TNKS: variants seen among roughly 807,000 people sequenced by gnomAD.
TNKS encodes tankyrase, also known as poly [ADP-ribose] polymerase tankyrase-1.
In TNKS, 72 loss-of-function variants were observed where a neutral mutation model predicts 135.8. The observed-to-expected ratio is 0.53, with a 90% CI of 0.44 to 0.64. The LOEUF (loss-of-function observed/expected upper bound fraction) is 0.64, where lower values mean the gene tolerates loss of function less well. Among genes scored for constraint, TNKS ranks in the 30% least tolerant of loss-of-function variants. The pLI is 0.00. For synonymous variants in TNKS, 849 were observed against 649.3 expected (o/e 1.31, Z -4.68); for missense variants, 1,769 against 1,674.0 (o/e 1.06, Z -0.99).
chr8:9,670,050 A>G (rs1227386414), intron 3 of TNKS: 1 of 152,200 alleles, frequency 6.6e-6, no homozygotes, highest in East Asian at 1.9e-4. Context: ...TTATAAAGTT[A>G]ATACTATGGG....
At chr8:9,665,741 C>G (rs79312885) in intron 3 of TNKS, among the ~76,000 whole-genome samples, 1,720 of 152,228 alleles carry the variant, frequency 0.011, 30 homozygotes, top group African/African-American at 0.038. Flanking sequence ...GAGCATGGTG[C>G]AAGGATTCTT....
At position 9,708,538 on chromosome 8, in the gene TNKS, G is replaced by A. The variant is rs562619756; in HGVS notation, c.1578+46G>A. On this transcript the variant is annotated intron_variant, in intron 9 of 26. Coordinates refer to ENST00000310430, the MANE Select transcript of TNKS (RefSeq NM_003747.3). Reference sequence around the variant, plus strand: ...TATTCCCTGTGTCTATAATAATAACGTAAGCACAAAATATGATTTTCATTT... The same window carrying A: ...TATTCCCTGTGTCTATAATAATAACATAAGCACAAAATATGATTTTCATTT... 3.7e-5 allele frequency: 53 copies of A among 1,419,574 alleles called. No individual in the cohort carries two copies. In the South Asian group the frequency reaches 4.2e-4, roughly 11 times the overall value. 87.9% of individuals were successfully genotyped at this position (1,419,574 alleles called of 1,614,324 possible). A position where few individuals can be genotyped will look rare whatever the true frequency, so the allele number is the denominator to read the frequency against.
Position 9,734,925 on chromosome 8 carries a change from G to A in TNKS, c.2374G>A (p.Glu792Lys). 4 of 1,614,134 alleles carry A rather than the reference G, an allele frequency of 2.5e-6. No homozygotes were observed. The highest frequency in any genetic ancestry group is 3.4e-6 in the Non-Finnish European group (4 of 1,180,028). ...AAATACACCTTTGGATTTGGTAAAG[G>A]AAGGAGACACAGATATTCAGGACTT... is the stretch of plus-strand genomic sequence containing the variant. ...DGNTPLDLVK[E>K]GDTDIQDLLR... Residue 792 changes from glutamate to lysine, a missense_variant, in exon 16 of 27, where the codon GAA becomes AAA. This residue lies in a region of TNKS where 722 missense variants were observed against 688.9 expected (regional missense o/e 1.05). Coordinates refer to ENST00000310430, the MANE Select transcript of TNKS (RefSeq NM_003747.3).
intron 2 of TNKS, among the ~76,000 whole-genome samples, chr8:9,598,761 G>A (rs1424849841): frequency 6.7e-4 from 45 of 67,238 alleles, no homozygotes; most frequent in African/African-American, 2.4e-3. Context: ...GTATATGTGT[G>A]TGTGTATATA....
intron 3 of TNKS, among the ~76,000 whole-genome samples, chr8:9,679,165 G>T (rs1048111604): frequency 6.6e-6 from 1 of 152,024 alleles, no homozygotes; most frequent in African/African-American, 2.4e-5. Flanking sequence ...TACCCATGTC[G>T]CAGTAGTTAG....
intron 2 of TNKS, among the ~76,000 whole-genome samples, chr8:9,603,762 T>C (rs1799108902): frequency 6.6e-6 from 1 of 152,168 alleles, no homozygotes; most frequent in Non-Finnish European, 1.5e-5. Flanking sequence ...GAAGATACCA[T>C]TGTGCATCAA....
chr8:9,566,000 C>T (rs1424215242), intron 1 of TNKS, among the ~76,000 whole-genome samples: 1 of 151,780 alleles, frequency 6.6e-6, no homozygotes, highest in African/African-American at 2.4e-5. Flanking sequence ...ATATTATATA[C>T]ATAGTAAGTA....
intron 3 of TNKS, among the ~76,000 whole-genome samples, chr8:9,666,511 G>C (rs1314105815): frequency 1.3e-5 from 2 of 152,056 alleles, no homozygotes; most frequent in African/African-American, 4.8e-5. Flanking sequence ...CTTGAGGCCA[G>C]GAGTTCGAGA....
chr8:9,663,894 C>T (rs1004024881), intron 3 of TNKS, among the ~76,000 whole-genome samples: 2 of 152,186 alleles, frequency 1.3e-5, no homozygotes, highest in East Asian at 3.9e-4. Flanking sequence ...GAAACACTTT[C>T]AACCCTGTCC....
Position 9,556,671 on chromosome 8 carries a change from G to C in TNKS, c.673+59G>C, listed in dbSNP as rs751846363. 6.3e-6 allele frequency: 10 copies of C among 1,597,360 alleles called. No individual in the cohort carries two copies. The East Asian group carries it at 1.8e-4, about 29-fold the overall frequency. ...TGGGTTTGGGTGCAGGGTCCGGTTAGGACAAGAAAACAGGTTATTGTGATG... is the reference window on the plus strand; with the variant it reads ...TGGGTTTGGGTGCAGGGTCCGGTTACGACAAGAAAACAGGTTATTGTGATG... On this transcript the variant is annotated intron_variant, in intron 1 of 26. Transcript: ENST00000310430.
chr8:9,770,907 G>T (rs922060640), intron 26 of TNKS, among the ~76,000 whole-genome samples: 5 of 152,000 alleles, frequency 3.3e-5, no homozygotes, highest in African/African-American at 1.2e-4. Flanking sequence ...GCACATGAGC[G>T]GATGTGTTGA....
At chr8:9,718,248 T>C (rs925139185) in intron 11 of TNKS, among the ~76,000 whole-genome samples, 1 of 152,208 alleles carries the variant, frequency 6.6e-6, no homozygotes, top group African/African-American at 2.4e-5. Context: ...GAGTACAGAC[T>C]GTTTTCAACT....
chr8:9,756,644 C>G (rs979182130), intron 20 of TNKS, among the ~76,000 whole-genome samples: 2 of 152,112 alleles, frequency 1.3e-5, no homozygotes, highest in East Asian at 3.9e-4. Context: ...ATCCAACTAA[C>G]CTGCTTTCCA....
intron 2 of TNKS, among the ~76,000 whole-genome samples, chr8:9,597,611 C>G (rs757396373): frequency 6.6e-5 from 10 of 152,124 alleles, no homozygotes; most frequent in Non-Finnish European, 8.8e-5. Context: ...AACATTTTCC[C>G]CACAAATATT....
intron 26 of TNKS, chr8:9,772,446 A>G (rs1468125111): frequency 2.2e-6 from 1 of 453,876 alleles, no homozygotes; most frequent in Non-Finnish European, 4.4e-6. Flanking sequence ...AAAATGAGGA[A>G]TGTTTTACTT....
At chr8:9,629,659 A>G (rs550144925) in intron 3 of TNKS, among the ~76,000 whole-genome samples, 1 of 152,006 alleles carries the variant, frequency 6.6e-6, no homozygotes, top group African/African-American at 2.4e-5. Flanking sequence ...TTGCTTAACT[A>G]CTTTCTCTTT....
chr8:9,748,292 C>T (rs1032433560), intron 18 of TNKS, 80 bp downstream of exon 18: 17 of 1,227,912 alleles, frequency 1.4e-5, no homozygotes, highest in Non-Finnish European at 1.7e-5. Context: ...CACCAGCTTA[C>T]TTTTAGTCGT....
intron 3 of TNKS, among the ~76,000 whole-genome samples, chr8:9,677,745 C>A (rs1802605644): frequency 6.6e-6 from 1 of 152,148 alleles, no homozygotes; most frequent in Admixed American, 6.5e-5. Flanking sequence ...AAGTAAAGTT[C>A]AAACTTCTTA....
rs1805413018 is a variant in TNKS at position 9,731,042 on chromosome 8, G to A, written c.2147+7G>A. 6.3e-7 allele frequency: 1 copy of A among 1,586,512 alleles called. No homozygotes were observed. Among genetic ancestry groups the A allele is most frequent in the African/African-American group, 1.4e-5 (1 of 73,902 alleles). On this transcript the variant is annotated splice_region_variant and intron_variant, in intron 14 of 26. Transcript: ENST00000310430. ...TCCATGCCAAAGACAAGGGGTACGT[G>A]TTAGAAGTTAGCTGTTTGGGAGTCA...
Sources: allele counts gnomAD v4.1 joint callset (sites outside exome capture counted in the v4.1 genomes callset), GRCh38; gene constraint gnomAD v4.1.1; regional missense constraint gnomAD v4.1.1; transcripts MANE v1.5; gene names NCBI Gene and HGNC (gene_info 2026-07-23, HGNC 2026-07-21).